The following CEP85L variants were observed in gnomAD, a reference collection of about 807,000 sequenced individuals.
CEP85L encodes the protein centrosomal protein of 85 kDa-like.
CEP85L carries 60 observed loss-of-function variants against 100.3 expected under a neutral mutation model. That is an observed-to-expected ratio of 0.60 (90% CI 0.49 to 0.74). The LOEUF (loss-of-function observed/expected upper bound fraction) is 0.74. CEP85L is among the 30% of genes least tolerant of loss of function. The probability of loss-of-function intolerance (pLI) is 0.00; values close to 1 mark genes in which losing one functional copy is unlikely to be tolerated. For missense variants in CEP85L, 973 were observed against 936.2 expected (o/e 1.04, Z -0.51); for synonymous variants, 319 against 322.7 (o/e 0.99, Z 0.12).
Position 118,479,913 on chromosome 6 carries a change from G to C in CEP85L, c.1872C>G (p.Asp624Glu), listed in dbSNP as rs753954777. The change falls in exon 10 of 13, where the codon GAC (aspartate) becomes GAG (glutamate). Residue 624 changes from aspartate to glutamate, a missense_variant. Transcript: ENST00000368491. Reference protein sequence around the residue: ...QQNETASKIIDSQQDEIDRMI... With the variant: ...QQNETASKIIESQQDEIDRMI... ...TTCTGTCAATCTCATCTTGTTGGCT[G>C]TCTATTATCTAAAACAAAATAAATA... 6.8e-7 allele frequency: 1 copy of C among 1,478,728 alleles called. No individual in the cohort carries two copies. Among genetic ancestry groups the C allele is most frequent in the East Asian group, 2.4e-5 (1 of 41,326 alleles). The allele number at this position is 1,478,728 out of a possible 1,614,324, so 91.6% of individuals were successfully genotyped here. A position where few individuals can be genotyped will look rare whatever the true frequency, so the allele number is the denominator to read the frequency against.
intron 2 of CEP85L, among the ~76,000 whole-genome samples, chr6:118,597,383 C>T (rs1277299545): frequency 6.6e-6 from 1 of 152,216 alleles, no homozygotes; most frequent in East Asian, 1.9e-4. Flanking sequence ...AGTGCAATCA[C>T]TCACTGTTTC....
intron 5 of CEP85L, chr6:118,502,040 C>G (rs1406911741): frequency 1.2e-6 from 1 of 835,894 alleles, no homozygotes; most frequent in Non-Finnish European, 2.0e-6. Flanking sequence ...CCAGATGGAA[C>G]AAGAAGACTG....
intron 3 of CEP85L, among the ~76,000 whole-genome samples, chr6:118,536,887 C>A (rs565848306): frequency 6.6e-6 from 1 of 152,184 alleles, no homozygotes; most frequent in East Asian, 1.9e-4. Flanking sequence ...CCCCTATATC[C>A]CTTTAGTAAC....
At chr6:118,557,539 T>A (rs1279106387) in intron 3 of CEP85L, among the ~76,000 whole-genome samples, 2 of 152,126 alleles carry the variant, frequency 1.3e-5, no homozygotes, top group Non-Finnish European at 2.9e-5. Flanking sequence ...ACAGTGCACA[T>A]TAGGTTCACT....
intron 2 of CEP85L, among the ~76,000 whole-genome samples, chr6:118,600,352 TGTGTGTGTGTGTGTGTGTAA>T (rs1781712503): frequency 7.3e-6 from 1 of 136,296 alleles, no homozygotes; most frequent in African/African-American, 2.7e-5. Flanking sequence ...TGTGTGTGTG[TGTGTGTGTGTGTGTGTGTAA>T]CGCCATGGAG....
intron 4 of CEP85L, among the ~76,000 whole-genome samples, chr6:118,517,312 G>A (rs1040312135): frequency 2.1e-4 from 32 of 152,240 alleles, no homozygotes; most frequent in African/African-American, 7.2e-4. Context: ...GGATAGTATT[G>A]AATCTATAAA....
chr6:118,692,313 TA>T (rs1265095493), intron 1 of CEP85L, among the ~76,000 whole-genome samples: 4 of 152,204 alleles, frequency 2.6e-5, no homozygotes, highest in Non-Finnish European at 5.9e-5. Context: ...CAGTAAAGCT[TA>T]ATTGGGCATC....
At chr6:118,565,423 G>T in intron 3 of CEP85L, 106 bp downstream of exon 3, 1 of 1,117,674 alleles carries the variant, frequency 8.9e-7, no homozygotes, top group Non-Finnish European at 1.3e-6. Flanking sequence ...CAGGGAAAAG[G>T]AAATGCAAAA....
At chr6:118,593,410 AAAAG>A (rs552836248) in intron 2 of CEP85L, among the ~76,000 whole-genome samples, 230 of 152,128 alleles carry the variant, frequency 1.5e-3, no homozygotes, top group Admixed American at 3.3e-3. Context: ...AGGTTTTTAT[AAAAG>A]AAAGAGGTTT....
At chr6:118,664,120 G>A (rs1276586757) in intron 1 of CEP85L, among the ~76,000 whole-genome samples, 1 of 151,718 alleles carries the variant, frequency 6.6e-6, no homozygotes, top group African/African-American at 2.4e-5. Context: ...GGTCTCAAAC[G>A]CCTGAGCTCA....
At chr6:118,554,060 C>T (rs1778702754) in intron 3 of CEP85L, among the ~76,000 whole-genome samples, 1 of 152,032 alleles carries the variant, frequency 6.6e-6, no homozygotes, top group Non-Finnish European at 1.5e-5. Flanking sequence ...CTTGTAATCC[C>T]AGGAATTACC....
chr6:118,650,150 G>A (rs1180052967), intron 1 of CEP85L, among the ~76,000 whole-genome samples: 1 of 152,144 alleles, frequency 6.6e-6, no homozygotes, highest in Non-Finnish European at 1.5e-5. Context: ...CAAACACTTT[G>A]TGGAGCAAGG....
chr6:118,682,555 A>G (rs73768519), intron 1 of CEP85L, among the ~76,000 whole-genome samples: 6,887 of 152,170 alleles, frequency 0.045, 308 homozygotes, highest in African/African-American at 0.1. Context: ...AAAATGTTTT[A>G]AAGAAGGAAT....
chr6:118,646,371 T>C (rs1055501111), intron 1 of CEP85L, among the ~76,000 whole-genome samples: 2 of 152,028 alleles, frequency 1.3e-5, no homozygotes, highest in Admixed American at 1.3e-4. Context: ...GAATAACATG[T>C]TATTGCTTAA....
At chr6:118,569,583 T>C (rs1562270999) in intron 2 of CEP85L, among the ~76,000 whole-genome samples, 1 of 151,868 alleles carries the variant, frequency 6.6e-6, no homozygotes, top group Non-Finnish European at 1.5e-5. Flanking sequence ...TGTTATTTAA[T>C]AGTTAGTTAC....
rs1270011963 is a variant in CEP85L, at chr6:118,462,302, G to C, written c.*3103C>G. 1 of 151,924 alleles carries C rather than the reference G, an allele frequency of 6.6e-6. No homozygotes were observed. The highest frequency in any genetic ancestry group is 1.5e-5 in the Non-Finnish European group (1 of 67,868). The allele number at this position is 151,924 out of a possible 1,614,324, so 9.4% of individuals were successfully genotyped here. On this transcript the variant is annotated 3_prime_UTR_variant, in exon 13 of 13. Transcript: ENST00000368491. ...ATATCTTACCTAGCCAGTATTTGTG[G>C]TTTTTTGTTTTTGTTTAATTAGAGG...
At chr6:118,670,153 C>T (rs1776254660) in intron 1 of CEP85L, among the ~76,000 whole-genome samples, 1 of 151,586 alleles carries the variant, frequency 6.6e-6, no homozygotes, top group Non-Finnish European at 1.5e-5. Flanking sequence ...TCCCCACCTA[C>T]TTCATATGGG....
At position 118,558,994 on chromosome 6, in the gene CEP85L, C is replaced by G. The variant is rs761056344; in HGVS notation, c.1020+6535G>C. ...AACCATTGAAATGCCTCAACAAGCA[C>G]GTCAAAAGCTACAGAATCTATTTAT... On this transcript the variant is annotated intron_variant, in intron 3 of 12. Transcript: ENST00000368491. 1.2e-6 allele frequency: 2 copies of G among 1,610,026 alleles called. No homozygotes were observed. The highest frequency in any genetic ancestry group is 1.7e-6 in the Non-Finnish European group (2 of 1,176,226).
At chr6:118,650,783 C>A (rs772791174) in intron 1 of CEP85L, among the ~76,000 whole-genome samples, 31 of 152,282 alleles carry the variant, frequency 2.0e-4, no homozygotes, top group Admixed American at 4.6e-4. Flanking sequence ...GAGACGCGCC[C>A]GGGCCGCCGC....
Sources: allele counts gnomAD v4.1 joint callset (sites outside exome capture counted in the v4.1 genomes callset), GRCh38; gene constraint gnomAD v4.1.1; transcripts MANE v1.5; gene names NCBI Gene and HGNC (gene_info 2026-07-23, HGNC 2026-07-21).